The following LCORL variants were observed in gnomAD, a reference collection of about 807,000 sequenced individuals.
LCORL encodes ligand dependent nuclear receptor corepressor like, also known as ligand-dependent nuclear receptor corepressor-like protein.
LCORL carries 41 observed loss-of-function variants against 141.8 expected under a neutral mutation model. The observed-to-expected ratio is 0.29, with a 90% CI of 0.23 to 0.38. The LOEUF (loss-of-function observed/expected upper bound fraction) is 0.38. Ranked by LOEUF, LCORL falls within the 10% of genes least tolerant of loss-of-function variation. The probability of loss-of-function intolerance (pLI) is 1.00; values close to 1 mark genes in which losing one functional copy is unlikely to be tolerated. For missense variants in LCORL, 1,759 were observed against 2,035.0 expected, an observed-to-expected ratio of 0.86 and a Z score of 2.61; for synonymous variants, 618 against 694.1, an observed-to-expected ratio of 0.89 and a Z score of 1.72.
At chr4:17,944,736 G>A (rs774617755) in intron 4 of LCORL, among the ~76,000 whole-genome samples, 5 of 152,034 alleles carry the variant, frequency 3.3e-5, no homozygotes, top group Middle Eastern at 3.2e-3. Context: ...GCACTTCAGC[G>A]GACATCTTAG....
intron 4 of LCORL, among the ~76,000 whole-genome samples, chr4:17,923,502 C>T (rs967578870): frequency 2.0e-5 from 3 of 152,036 alleles, no homozygotes; most frequent in African/African-American, 4.8e-5. Context: ...AAAAATTAGC[C>T]GGGTGTGGTG....
At chr4:17,846,477 C>T (rs17526078) in intron 7 of LCORL, among the ~76,000 whole-genome samples, 6,325 of 152,192 alleles carry the variant, frequency 0.042, 193 homozygotes, top group Non-Finnish European at 0.06. Context: ...TGCTTGTCTA[C>T]TAAGCTCTCT....
intron 5 of LCORL, among the ~76,000 whole-genome samples, chr4:17,895,712 A>ATGAC (rs375494920): frequency 5.3e-5 from 8 of 152,266 alleles, no homozygotes; most frequent in Middle Eastern, 3.4e-3. Flanking sequence ...CCCTTGTCCT[A>ATGAC]TGACTCCTGG....
chr4:17,942,792 CCA>C (rs1465002748), intron 4 of LCORL, among the ~76,000 whole-genome samples: 1 of 152,230 alleles, frequency 6.6e-6, no homozygotes, highest in East Asian at 1.9e-4. Context: ...GACCCCTAGG[CCA>C]CAGACTGGTA....
At chr4:17,948,158 T>C (rs1424948615) in intron 4 of LCORL, among the ~76,000 whole-genome samples, 2 of 152,106 alleles carry the variant, frequency 1.3e-5, no homozygotes, top group South Asian at 2.1e-4. Flanking sequence ...AACACCTGCA[T>C]GGTCGATAAA....
intron 6 of LCORL, chr4:17,881,352 G>T (rs1337231956): frequency 1.0e-6 from 1 of 981,414 alleles, no homozygotes. Flanking sequence ...AGAATCACTG[G>T]GGAGAAGGGG....
At chr4:17,899,412 TCAGCAGCCCTGAAGTA>T (rs1350370169) in intron 5 of LCORL, among the ~76,000 whole-genome samples, 1 of 151,546 alleles carries the variant, frequency 6.6e-6, no homozygotes, top group Non-Finnish European at 1.5e-5. Flanking sequence ...GGCAAAGGGA[TCAGCAGCCCTGAAGTA>T]CAGTGGGCTT....
chr4:17,885,651 C>A (rs1728166356), intron 6 of LCORL, among the ~76,000 whole-genome samples: 1 of 151,722 alleles, frequency 6.6e-6, no homozygotes, highest in Non-Finnish European at 1.5e-5. Context: ...ATCTAAAGTG[C>A]AATAAAAAAA....
intron 6 of LCORL, chr4:17,881,202 T>G (rs934962862): frequency 1.0e-6 from 1 of 981,808 alleles, no homozygotes; most frequent in East Asian, 1.1e-4. Context: ...TTCAAATAAG[T>G]AGAAAGCACA....
intron 4 of LCORL, among the ~76,000 whole-genome samples, chr4:17,923,877 ATTTC>A (rs776089865): frequency 6.6e-6 from 1 of 151,920 alleles, no homozygotes; most frequent in Non-Finnish European, 1.5e-5. Flanking sequence ...TCTTTCCCGA[ATTTC>A]TTTGTCACCA....
At chr4:17,866,750 C>T (rs1725712160) in intron 7 of LCORL, among the ~76,000 whole-genome samples, 1 of 152,016 alleles carries the variant, frequency 6.6e-6, no homozygotes, top group Admixed American at 6.5e-5. Flanking sequence ...TTACGATAAT[C>T]ACAGAATGCT....
chr4:17,959,105 A>G (rs1352549363), intron 4 of LCORL, among the ~76,000 whole-genome samples: 1 of 152,060 alleles, frequency 6.6e-6, no homozygotes, highest in East Asian at 1.9e-4. Flanking sequence ...CAGTCTTGAG[A>G]CGGTTTAATG....
rs1448147858 is a variant in LCORL, at chr4:17,912,299, C to T, written c.431-2954G>A. 3 of 679,708 alleles carry T rather than the reference C, an allele frequency of 4.4e-6. No individual in the cohort carries two copies. The East Asian group carries it at 9.1e-5, about 21-fold the overall frequency. The allele number at this position is 679,708 out of a possible 1,614,324, so 42.1% of individuals were successfully genotyped here. The stretch of plus-strand genomic sequence containing the variant: ...AATGTCACTTGGCTGCAGCTGGAGA[C>T]ACAGATCGAGGCTCTCAAAGAGGAG... On this transcript the variant is annotated intron_variant, in intron 4 of 7. Transcript: ENST00000635767.
chr4:17,907,238 GCTT>G (rs1350889626), intron 5 of LCORL, among the ~76,000 whole-genome samples: 2 of 152,166 alleles, frequency 1.3e-5, no homozygotes, highest in Admixed American at 1.3e-4. Context: ...TACTTCTAAG[GCTT>G]CTTCTGTGGT....
chr4:17,869,902 T>C (rs182575402), intron 7 of LCORL, among the ~76,000 whole-genome samples: 1 of 152,298 alleles, frequency 6.6e-6, no homozygotes, highest in African/African-American at 2.4e-5. Context: ...CTGGATGTTC[T>C]CCCTTTTTTC....
intron 5 of LCORL, among the ~76,000 whole-genome samples, chr4:17,889,079 A>G (rs1428697525): frequency 6.6e-6 from 1 of 152,084 alleles, no homozygotes; most frequent in Non-Finnish European, 1.5e-5. Context: ...TCCTTTACAG[A>G]TACTATAAAA....
At chr4:17,936,021 A>G (rs1050929151) in intron 4 of LCORL, among the ~76,000 whole-genome samples, 1 of 152,196 alleles carries the variant, frequency 6.6e-6, no homozygotes, top group African/African-American at 2.4e-5. Flanking sequence ...CTAAACTTAC[A>G]AGAGTAAACT....
intron 1 of LCORL, among the ~76,000 whole-genome samples, chr4:17,985,216 C>A (rs1718750113): frequency 6.6e-6 from 1 of 151,880 alleles, no homozygotes; most frequent in Admixed American, 6.6e-5. Context: ...ATGTGATGTG[C>A]CATGTGGTGA....
intron 4 of LCORL, among the ~76,000 whole-genome samples, chr4:17,961,587 C>T (rs574639104): frequency 4.0e-5 from 6 of 151,574 alleles, no homozygotes; most frequent in African/African-American, 1.5e-4. Flanking sequence ...TTGAAGTGTT[C>T]AAGACAGCAA....
Sources: gnomAD v4.1 joint callset for allele counts (sites outside exome capture counted in the v4.1 genomes callset) on GRCh38, gnomAD v4.1.1 for gene constraint, MANE v1.5 for transcripts, NCBI Gene and HGNC (gene_info 2026-07-23, HGNC 2026-07-21) for gene names.